The following UST variants were observed in gnomAD, a reference collection of about 807,000 sequenced individuals.
UST encodes uronyl 2-sulfotransferase, also known as chondroitin sulfate 2-O-sulfotransferase.
In UST, 21 loss-of-function variants were observed where a neutral mutation model predicts 45.6. The ratio of observed to expected loss-of-function variants is 0.46; its 90% CI spans 0.33 to 0.66. The LOEUF (loss-of-function observed/expected upper bound fraction) is 0.66, where lower values mean the gene tolerates loss of function less well. Ranked by LOEUF, UST falls within the 30% of genes least tolerant of loss-of-function variation. UST has a pLI of 0.02. For synonymous variants in UST, 215 were observed against 200.6 expected (o/e 1.07, Z -0.61); for missense variants, 463 against 512.4 (o/e 0.90, Z 0.93).
chr6:148,762,995 T>G (rs779862700), intron 1 of UST, among the ~76,000 whole-genome samples: 6 of 152,224 alleles, frequency 3.9e-5, no homozygotes, highest in Non-Finnish European at 8.8e-5. Context: ...GATAGAATGA[T>G]TCTTTTCCTT....
chr6:148,774,589 G>C (rs577421348), intron 1 of UST, among the ~76,000 whole-genome samples: 1 of 152,294 alleles, frequency 6.6e-6, no homozygotes, highest in African/African-American at 2.4e-5. Context: ...GATCAATACA[G>C]TAATTTCAAG....
intron 1 of UST, among the ~76,000 whole-genome samples, chr6:148,824,561 A>AT (rs1470605795): frequency 2.0e-5 from 3 of 152,066 alleles, no homozygotes; most frequent in South Asian, 2.1e-4. Flanking sequence ...GAGATCACTG[A>AT]TACATTGAAG....
chr6:148,861,832 T>G (rs1778319827), intron 1 of UST, among the ~76,000 whole-genome samples: 1 of 152,214 alleles, frequency 6.6e-6, no homozygotes, highest in South Asian at 2.1e-4. Flanking sequence ...TAATCCTGAG[T>G]TCTAGTTTGA....
chr6:149,043,909 G>A (rs1192352779), intron 7 of UST, among the ~76,000 whole-genome samples: 1 of 152,222 alleles, frequency 6.6e-6, no homozygotes, highest in Non-Finnish European at 1.5e-5. Context: ...ATCAGTCCCA[G>A]TGGCCATCAC....
intron 7 of UST, among the ~76,000 whole-genome samples, chr6:149,043,029 CTT>C (rs1491070887): frequency 2.0e-5 from 2 of 101,820 alleles, no homozygotes; most frequent in African/African-American, 9.1e-5. Flanking sequence ...CTTTTTCTTT[CTT>C]TCTTTCTTTC....
At chr6:148,905,830 A>C (rs1779346392) in intron 2 of UST, among the ~76,000 whole-genome samples, 1 of 152,222 alleles carries the variant, frequency 6.6e-6, no homozygotes, top group Non-Finnish European at 1.5e-5. Flanking sequence ...TTAGTGTGCA[A>C]AACTGCAAAG....
At chr6:148,772,620 C>T (rs1311622579) in intron 1 of UST, among the ~76,000 whole-genome samples, 3 of 151,994 alleles carry the variant, frequency 2.0e-5, no homozygotes, top group Non-Finnish European at 1.5e-5. Flanking sequence ...GACAGGGTTT[C>T]GATATGTTGG....
At chr6:148,853,899 C>T (rs765524053) in intron 1 of UST, among the ~76,000 whole-genome samples, 3 of 152,194 alleles carry the variant, frequency 2.0e-5, no homozygotes, top group Admixed American at 2.0e-4. Context: ...TTCCCTACCC[C>T]CTGCATACCC....
chr6:148,761,535 A>AG (rs1776221535), intron 1 of UST, among the ~76,000 whole-genome samples: 3 of 152,156 alleles, frequency 2.0e-5, no homozygotes, highest in East Asian at 3.9e-4. Context: ...AAAAAAAAAA[A>AG]AGTGTGTAAA....
Position 148,964,546 on chromosome 6 carries a change from C to T in UST, c.664C>T (p.Gln222Ter). The T allele has an allele frequency of 1.2e-6, 2 of 1,613,810 alleles. No homozygotes were observed. The highest frequency in any genetic ancestry group is 1.7e-6 in the Non-Finnish European group (2 of 1,180,024). ...NHMIRTPSMR[Q>*]EERYLDINEC... is the part of the protein sequence containing the mutation. Reference sequence around the variant, plus strand: ...CATGATCCGCACCCCCAGCATGAGGCAGGAGGAGCGCTACCTGGTAAGTCC... The same window carrying T: ...CATGATCCGCACCCCCAGCATGAGGTAGGAGGAGCGCTACCTGGTAAGTCC... Residue 222 changes from glutamine (Q) to a stop codon, truncating the protein, a stop_gained, in exon 5 of 8, where the codon CAG becomes TAG. Coordinates refer to ENST00000367463, the MANE Select transcript of UST (RefSeq NM_005715.3). LOFTEE classifies it high-confidence loss of function.
At chr6:148,895,107 C>T (rs1014043330) in intron 2 of UST, among the ~76,000 whole-genome samples, 19 of 152,112 alleles carry the variant, frequency 1.2e-4, no homozygotes, top group East Asian at 3.9e-4. Flanking sequence ...TGAGCCACTG[C>T]GCCTGGCATT....
At chr6:149,019,845 C>T (rs1775953680) in intron 6 of UST, among the ~76,000 whole-genome samples, 1 of 152,214 alleles carries the variant, frequency 6.6e-6, no homozygotes, top group Non-Finnish European at 1.5e-5. Flanking sequence ...GGTCCTGCAT[C>T]AGCACCCCTG....
intron 4 of UST, among the ~76,000 whole-genome samples, chr6:148,961,240 C>T (rs1242783303): frequency 6.6e-6 from 1 of 152,118 alleles, no homozygotes; most frequent in Non-Finnish European, 1.5e-5. Context: ...TTGGTAATGC[C>T]TGCTATTTTA....
Position 148,758,408 on chromosome 6 carries a change from ATT to A in UST, c.247+10732_247+10733del, listed in dbSNP as rs560881387. ...TCCACACTACTTTTTTTGTTCCTGC[ATT>A]CACAAAATAAAAATAGCTGTGTGGA... On this transcript the variant is annotated intron_variant, in intron 1 of 7. Coordinates refer to ENST00000367463, the MANE Select transcript of UST (RefSeq NM_005715.3). Among the ~76,000 whole-genome samples, 194 of 152,236 alleles carry A rather than the reference ATT, an allele frequency of 1.3e-3. 1 individual carries two copies. Among genetic ancestry groups the A allele is most frequent in the African/African-American group, 4.5e-3 (187 of 41,532 alleles).
intron 2 of UST, among the ~76,000 whole-genome samples, chr6:148,918,154 C>G (rs1487924670): frequency 6.6e-6 from 1 of 152,096 alleles, no homozygotes; most frequent in Non-Finnish European, 1.5e-5. Flanking sequence ...GAGGAAAACC[C>G]CACTGCTTTA....
intron 1 of UST, among the ~76,000 whole-genome samples, chr6:148,808,266 G>A (rs1015668235): frequency 6.6e-6 from 1 of 152,198 alleles, no homozygotes; most frequent in Non-Finnish European, 1.5e-5. Context: ...AGTCACTTAT[G>A]TTCTGTGGCT....
At chr6:148,771,934 C>A (rs1453780064) in intron 1 of UST, among the ~76,000 whole-genome samples, 1 of 152,120 alleles carries the variant, frequency 6.6e-6, no homozygotes, top group East Asian at 1.9e-4. Flanking sequence ...CTTCCTACCT[C>A]CCCCAAAAGG....
chr6:148,807,003 G>A (rs1405947371), intron 1 of UST, among the ~76,000 whole-genome samples: 1 of 152,190 alleles, frequency 6.6e-6, no homozygotes, highest in Non-Finnish European at 1.5e-5. Context: ...AATATGAGTT[G>A]TAGAGGGGAC....
At chr6:149,007,192 T>C (rs1299240981) in intron 5 of UST, among the ~76,000 whole-genome samples, 1 of 142,514 alleles carries the variant, frequency 7.0e-6, no homozygotes, top group South Asian at 2.3e-4. Context: ...TGGTCTTGGC[T>C]CACTGTAACC....
Sources: gnomAD v4.1 joint callset for allele counts (sites outside exome capture counted in the v4.1 genomes callset) on GRCh38, gnomAD v4.1.1 for gene constraint, MANE v1.5 for transcripts, NCBI Gene and HGNC (gene_info 2026-07-23, HGNC 2026-07-21) for gene names.